PRLR: variants seen among roughly 807,000 people sequenced by gnomAD.
PRLR encodes the protein prolactin receptor.
A neutral mutation model predicts 40.2 loss-of-function variants in PRLR; 13 were observed. That is an observed-to-expected ratio of 0.32 (90% CI 0.21 to 0.51). The LOEUF (loss-of-function observed/expected upper bound fraction) is 0.51, where lower values mean the gene tolerates loss of function less well. PRLR is among the 20% of genes least tolerant of loss of function. The probability of loss-of-function intolerance (pLI) is 0.97; values close to 1 mark genes in which losing one functional copy is unlikely to be tolerated. For synonymous variants in PRLR, 269 were observed against 278.7 expected (o/e 0.97, Z 0.35); for missense variants, 656 against 747.3 (o/e 0.88, Z 1.42).
chr5:35,098,998 T>G (rs1007514477), intron 2 of PRLR, among the ~76,000 whole-genome samples: 4 of 152,196 alleles, frequency 2.6e-5, no homozygotes, highest in South Asian at 2.1e-4. Context: ...AAGAAAAAAC[T>G]CTCAAGAATG....
intron 2 of PRLR, among the ~76,000 whole-genome samples, chr5:35,091,176 T>C (rs1771189960): frequency 6.6e-6 from 1 of 152,126 alleles, no homozygotes; most frequent in Non-Finnish European, 1.5e-5. Context: ...GTGGATCCTG[T>C]GAGGTGACCC....
intron 1 of PRLR, among the ~76,000 whole-genome samples, chr5:35,152,588 C>T (rs1199911401): frequency 6.6e-6 from 1 of 152,144 alleles, no homozygotes; most frequent in African/African-American, 2.4e-5. Flanking sequence ...ACAACATGAA[C>T]CCACACTAGT....
chr5:35,218,422 T>C (rs1776337879), intron 1 of PRLR, among the ~76,000 whole-genome samples: 1 of 150,112 alleles, frequency 6.7e-6, no homozygotes, highest in African/African-American at 2.5e-5. Context: ...AGTTTAAACA[T>C]ATAATATAGA....
intron 1 of PRLR, among the ~76,000 whole-genome samples, chr5:35,175,681 C>A (rs1388614143): frequency 6.6e-6 from 1 of 152,214 alleles, no homozygotes; most frequent in Non-Finnish European, 1.5e-5. Flanking sequence ...TGATGCCCAC[C>A]TTGCTCTATG....
chr5:35,229,784 G>A (rs1776649230), intron 1 of PRLR, among the ~76,000 whole-genome samples: 1 of 152,006 alleles, frequency 6.6e-6, no homozygotes, highest in Non-Finnish European at 1.5e-5. Context: ...GGCGGCTGCT[G>A]CTGATGGGAG....
chr5:35,155,913 T>A (rs1454688972), intron 1 of PRLR, among the ~76,000 whole-genome samples: 1 of 152,212 alleles, frequency 6.6e-6, no homozygotes, highest in Non-Finnish European at 1.5e-5. Flanking sequence ...CTGAAAAATA[T>A]ATAAATGCAC....
intron 8 of PRLR, among the ~76,000 whole-genome samples, chr5:35,049,631 C>T (rs900325608): frequency 3.3e-5 from 5 of 152,176 alleles, no homozygotes; most frequent in Non-Finnish European, 4.4e-5. Context: ...AGAAATCTTT[C>T]TCTACATGTG....
At chr5:35,173,948 C>T (rs1775070333) in intron 1 of PRLR, among the ~76,000 whole-genome samples, 1 of 152,096 alleles carries the variant, frequency 6.6e-6, no homozygotes, top group South Asian at 2.1e-4. Context: ...TCATCATTTA[C>T]ATTAGGTATA....
chr5:35,124,551 CTA>C (rs1773394641), intron 1 of PRLR, among the ~76,000 whole-genome samples: 1 of 152,180 alleles, frequency 6.6e-6, no homozygotes, highest in African/African-American at 2.4e-5. Flanking sequence ...TTATAGTAAT[CTA>C]CTGGGGAATA....
In PRLR at chr5:35,127,360, G is replaced by A. The variant is rs192975553; in HGVS notation, c.-105-9238C>T. Among the ~76,000 whole-genome samples, 3 of 152,290 alleles carry A rather than the reference G, an allele frequency of 2.0e-5. No homozygotes were observed. The East Asian group carries it at 5.8e-4, about 29-fold the overall frequency. ...CTTAAATACAGACCCACTCTATTAAGATAGTTGAAAAACACAGATGTAAAT... is the reference window on the plus strand; with the variant it reads ...CTTAAATACAGACCCACTCTATTAAAATAGTTGAAAAACACAGATGTAAAT... On this transcript the variant is annotated intron_variant, in intron 1 of 9. Transcript: ENST00000618457.
intron 2 of PRLR, among the ~76,000 whole-genome samples, chr5:35,090,582 T>TTTG (rs146987418): frequency 0.019 from 2,940 of 151,244 alleles, 61 homozygotes; most frequent in African/African-American, 0.046. Context: ...ATTGTTTCAT[T>TTTG]TTGTTGTTGT....
At chr5:35,103,795 G>A (rs4703390) in intron 2 of PRLR, among the ~76,000 whole-genome samples, 8,444 of 152,196 alleles carry the variant, frequency 0.055, 550 homozygotes, top group East Asian at 0.18. Context: ...CTTTGCCAAT[G>A]CTCTCAATTA....
chr5:35,110,187 G>A (rs1772564948), intron 2 of PRLR, among the ~76,000 whole-genome samples: 1 of 152,094 alleles, frequency 6.6e-6, no homozygotes, highest in Admixed American at 6.6e-5. Flanking sequence ...TGGACACAGG[G>A]TGGGGAACAA....
At chr5:35,175,523 A>G (rs1775123337) in intron 1 of PRLR, among the ~76,000 whole-genome samples, 1 of 152,212 alleles carries the variant, frequency 6.6e-6, no homozygotes, top group Non-Finnish European at 1.5e-5. Flanking sequence ...ATAGTGACTT[A>G]CGGAGAGTGT....
chr5:35,108,149 A>T (rs1772398222), intron 2 of PRLR, among the ~76,000 whole-genome samples: 2 of 152,216 alleles, frequency 1.3e-5, no homozygotes, highest in South Asian at 4.1e-4. Flanking sequence ...ATAGATGCAG[A>T]AAAGCCTTCA....
chr5:35,066,812 G>A (rs182184557), intron 9 of PRLR, among the ~76,000 whole-genome samples: 4,229 of 137,246 alleles, frequency 0.031, 204 homozygotes, highest in African/African-American at 0.11. Flanking sequence ...TGCCCAGGCT[G>A]GAGTGCAGTG....
At chr5:35,199,535 T>A (rs1775823483) in intron 1 of PRLR, among the ~76,000 whole-genome samples, 1 of 151,886 alleles carries the variant, frequency 6.6e-6, no homozygotes. Context: ...GTGGGAGAAA[T>A]TCTTTAAAAG....
At position 35,088,727 on chromosome 5, in the gene PRLR, T is replaced by A. The variant is rs1376316215; in HGVS notation, c.70+824A>T. ...CACAGGAACCACATATACAGGTATG[T>A]AGATGCCCACACAGAGCCCGCATCA... On this transcript the variant is annotated intron_variant, in intron 3 of 9. Transcript: ENST00000618457. 2.0e-5 allele frequency among the ~76,000 whole-genome samples: 3 copies of A among 152,214 alleles called. No homozygotes were observed. In the South Asian group the frequency reaches 6.2e-4, roughly 32 times the overall value.
intron 2 of PRLR, among the ~76,000 whole-genome samples, chr5:35,110,490 C>G (rs1008586789): frequency 3.9e-5 from 6 of 152,156 alleles, no homozygotes; most frequent in African/African-American, 1.4e-4. Flanking sequence ...AGTTCCTCCC[C>G]TATCAGTTGT....
Sources: allele counts gnomAD v4.1 joint callset (sites outside exome capture counted in the v4.1 genomes callset), GRCh38; gene constraint gnomAD v4.1.1; transcripts MANE v1.5; gene names NCBI Gene and HGNC (gene_info 2026-07-23, HGNC 2026-07-21).